NMI: variants seen among roughly 807,000 people sequenced by gnomAD.
NMI encodes N-myc-interactor.
NMI carries 39 observed loss-of-function variants against 34.3 expected under a neutral mutation model. The observed-to-expected ratio is 1.14, with a 90% confidence interval of 0.88 to 1.49. The LOEUF is 1.49. Among genes scored for constraint, NMI ranks in the 40% most tolerant of loss-of-function variants. NMI has a pLI of 0.00. For missense variants in NMI, 339 were observed against 358.1 expected, an observed-to-expected ratio of 0.95 and a Z score of 0.43; for synonymous variants, 113 against 120.3, an observed-to-expected ratio of 0.94 and a Z score of 0.40.
chr2:151,270,524 C>T lies in NMI; in HGVS notation c.*169G>A. The T allele has an allele frequency of 8.2e-6, 5 of 610,102 alleles. No individual in the cohort carries two copies. Among genetic ancestry groups the T allele is most frequent in the Non-Finnish European group, 5.6e-6 (2 of 356,374 alleles). 37.8% of individuals were successfully genotyped at this position (610,102 alleles called of 1,614,324 possible). On this transcript the variant is annotated 3_prime_UTR_variant, in exon 8 of 8. Coordinates refer to ENST00000243346, the MANE Select transcript of NMI (RefSeq NM_004688.3). ...TTATTGTAGTTGAAAACATGCAGCA[C>T]CATTTGAAACAAAGAAGATTCAGAA...
Position 151,270,535 on chromosome 2 carries a change from AAAG to A in NMI, c.*155_*157del. ...GAAAACATGCAGCACCATTTGAAAC[AAAG>A]AAGATTCAGAAACATGGAAATAAGT... On this transcript the variant is annotated 3_prime_UTR_variant, in exon 8 of 8. Coordinates refer to ENST00000243346, the MANE Select transcript of NMI (RefSeq NM_004688.3). 1.6e-6 allele frequency: 1 copy of A among 632,596 alleles called. No homozygotes were observed. Among genetic ancestry groups the A allele is most frequent in the Non-Finnish European group, 2.7e-6 (1 of 374,484 alleles). The allele number at this position is 632,596 out of a possible 1,614,324, so 39.2% of individuals were successfully genotyped here. A position where few individuals can be genotyped will look rare whatever the true frequency, so the allele number is the denominator to read the frequency against.
intron 2 of NMI, 102 bp from the exon 3 acceptor site, chr2:151,282,145 G>A: frequency 1.6e-6 from 1 of 618,610 alleles, no homozygotes; most frequent in South Asian, 2.1e-5. Flanking sequence ...ACCAAAGAAA[G>A]ACATTAGACA....
At chr2:151,285,557 C>T (rs1194566625) in intron 1 of NMI, among the ~76,000 whole-genome samples, 1 of 147,242 alleles carries the variant, frequency 6.8e-6, no homozygotes, top group Non-Finnish European at 1.5e-5. Context: ...CACAGCACTC[C>T]AGCCTGAGCG....
At position 151,281,931 on chromosome 2, in the gene NMI, A is replaced by T; in HGVS notation, c.177+17T>A. On this transcript the variant is annotated intron_variant, in intron 3 of 7. Coordinates refer to ENST00000243346, the MANE Select transcript of NMI (RefSeq NM_004688.3). ...CATCCATCAAAAATGTAGTATATAA[A>T]ATAATTAAGAGAGTACCTGGAATTC... 1 of 1,274,768 alleles carries T rather than the reference A, an allele frequency of 7.8e-7. No homozygotes were observed. 79.0% of individuals were successfully genotyped at this position (1,274,768 alleles called of 1,614,324 possible). A position where few individuals can be genotyped will look rare whatever the true frequency, so the allele number is the denominator to read the frequency against.
At position 151,275,754 on chromosome 2, in the gene NMI, T is replaced by C. The variant is rs1339412701; in HGVS notation, c.447+4A>G. On this transcript the variant is annotated splice_donor_region_variant and intron_variant, in intron 5 of 7. Coordinates refer to ENST00000243346, the MANE Select transcript of NMI (RefSeq NM_004688.3). ...AATCCAAAAAATTTTAATCATCCTG[T>C]TACCTGGAATCTGACTCCTGAATTT... 1.2e-6 allele frequency: 2 copies of C among 1,611,714 alleles called. No individual in the cohort carries two copies. The highest frequency in any genetic ancestry group is 1.1e-5 in the South Asian group (1 of 90,980).
intron 7 of NMI, 34 bp downstream of exon 7, chr2:151,271,592 A>T: frequency 9.1e-7 from 1 of 1,096,230 alleles, no homozygotes; most frequent in Non-Finnish European, 1.4e-6. Context: ...TTGGGCAGTG[A>T]GTTCTGAAAA....
intron 2 of NMI, 27 bp from the exon 3 acceptor site, chr2:151,282,070 A>G (rs1683417431): frequency 1.0e-6 from 1 of 1,002,310 alleles, no homozygotes; most frequent in Non-Finnish European, 1.6e-6. Context: ...GGTACCAAAG[A>G]AAGTAAATAG....
intron 5 of NMI, 22 bp downstream of exon 5, chr2:151,275,736 A>T: frequency 6.2e-7 from 1 of 1,611,082 alleles, no homozygotes. Flanking sequence ...AGAAATCCAA[A>T]AAATTTTAAT....
chr2:151,283,779 T>C (rs1197718328), intron 1 of NMI, among the ~76,000 whole-genome samples: 1 of 152,228 alleles, frequency 6.6e-6, no homozygotes, highest in East Asian at 1.9e-4. Context: ...AGAAATTATA[T>C]GTTTATTTCT....
chr2:151,288,420 G>T (rs114988485), intron 1 of NMI, among the ~76,000 whole-genome samples: 1 of 152,116 alleles, frequency 6.6e-6, no homozygotes, highest in Non-Finnish European at 1.5e-5. Flanking sequence ...AGCCAAATAA[G>T]GTAGGTGGCC....
intron 4 of NMI, among the ~76,000 whole-genome samples, chr2:151,277,017 A>C (rs539509044): frequency 6.6e-6 from 1 of 152,314 alleles, no homozygotes; most frequent in Admixed American, 6.5e-5. Flanking sequence ...ATGAGTTTAT[A>C]ATACTGCAGT....
intron 1 of NMI, among the ~76,000 whole-genome samples, chr2:151,283,840 C>T (rs1683449194): frequency 6.6e-6 from 1 of 152,184 alleles, no homozygotes; most frequent in Non-Finnish European, 1.5e-5. Context: ...AATATGGTAA[C>T]AAACTACAGT....
Position 151,278,111 on chromosome 2 carries a change from C to T in NMI, c.340+717G>A, listed in dbSNP as rs114285428. 3.9e-3 allele frequency: 589 copies of T among 152,294 alleles called. 4 individuals are homozygous for T. The highest frequency in any genetic ancestry group is 0.014 in the African/African-American group (564 of 41,552). The allele number at this position is 152,294 out of a possible 1,614,324, so 9.4% of individuals were successfully genotyped here. ...TGCTAAGTATTTTATCAACATTTCT[C>T]ATTTAATACTCAAAGCAGCCTCATG... is the stretch of plus-strand genomic sequence containing the variant. On this transcript the variant is annotated intron_variant, in intron 4 of 7. Transcript: ENST00000243346.
chr2:151,281,595 T>G (rs1683405328), intron 3 of NMI, among the ~76,000 whole-genome samples: 1 of 152,184 alleles, frequency 6.6e-6, no homozygotes, highest in South Asian at 2.1e-4. Flanking sequence ...AACCACTGTT[T>G]TAACTTCAAA....
intron 3 of NMI, among the ~76,000 whole-genome samples, chr2:151,280,841 T>A (rs1407625177): frequency 7.7e-6 from 1 of 129,386 alleles, no homozygotes; most frequent in Admixed American, 8.9e-5. Context: ...GAAGTGTCAA[T>A]GCTTTAATTT....
chr2:151,279,519 C>T (rs1683350752), intron 3 of NMI, among the ~76,000 whole-genome samples: 1 of 152,094 alleles, frequency 6.6e-6, no homozygotes, highest in African/African-American at 2.4e-5. Flanking sequence ...ACTCTGTTGC[C>T]AGGCTGGAGT....
At chr2:151,286,844 T>C (rs548245841) in intron 1 of NMI, among the ~76,000 whole-genome samples, 1 of 152,320 alleles carries the variant, frequency 6.6e-6, no homozygotes, top group African/African-American at 2.4e-5. Flanking sequence ...CCCTAAAAAG[T>C]AGGGAATATA....
At chr2:151,275,958 A>G in intron 4 of NMI, 94 bp from the exon 5 acceptor site, 1 of 836,536 alleles carries the variant, frequency 1.2e-6, no homozygotes, top group East Asian at 2.7e-5. Flanking sequence ...AATATTTTTA[A>G]TTTTCTTTAA....
chr2:151,280,985 C>T (rs1478887758), intron 3 of NMI, among the ~76,000 whole-genome samples: 1 of 151,926 alleles, frequency 6.6e-6, no homozygotes, highest in Non-Finnish European at 1.5e-5. Flanking sequence ...GGGATACAGG[C>T]ACCCGCCACC....
Sources: gnomAD v4.1 joint callset for allele counts (sites outside exome capture counted in the v4.1 genomes callset) on GRCh38, gnomAD v4.1.1 for gene constraint, MANE v1.5 for transcripts, NCBI Gene and HGNC (gene_info 2026-07-23, HGNC 2026-07-21) for gene names.